The following RBFOX1 variants were observed in gnomAD, a reference collection of about 807,000 sequenced individuals.
The protein encoded by RBFOX1 is RNA binding protein fox-1 homolog 1.
A neutral mutation model predicts 57.7 loss-of-function variants in RBFOX1; 8 were observed. The ratio of observed to expected loss-of-function variants is 0.14; its 90% CI spans 0.08 to 0.25. RBFOX1 has a LOEUF of 0.25. Ranked by LOEUF, RBFOX1 falls within the 10% of genes least tolerant of loss-of-function variation. RBFOX1 has a pLI of 1.00. For synonymous variants in RBFOX1, 326 were observed against 222.4 expected, an observed-to-expected ratio of 1.47 and a Z score of -4.15; for missense variants, 611 against 548.5, an observed-to-expected ratio of 1.11 and a Z score of -1.14.
intron 4 of RBFOX1, chr16:7,333,131 G>A: frequency 1.3e-6 from 2 of 1,564,470 alleles, no homozygotes; most frequent in Non-Finnish European, 8.8e-7. Context: ...ACTCCAGAGT[G>A]CTCAGAGTAA....
chr16:6,792,831 C>G (rs970936395), intron 3 of RBFOX1, among the ~76,000 whole-genome samples: 18 of 152,052 alleles, frequency 1.2e-4, no homozygotes, highest in African/African-American at 4.1e-4. Context: ...GAGTTCAAGA[C>G]CAGCCTGGAC....
intron 3 of RBFOX1, among the ~76,000 whole-genome samples, chr16:6,667,195 C>T (rs572314751): frequency 2.6e-5 from 4 of 152,176 alleles, no homozygotes; most frequent in Admixed American, 6.5e-5. Flanking sequence ...TCTGATGGGC[C>T]GGAAACCTAA....
At chr16:7,058,113 C>T (rs561797199) in intron 4 of RBFOX1, among the ~76,000 whole-genome samples, 2 of 152,084 alleles carry the variant, frequency 1.3e-5, no homozygotes, top group South Asian at 4.2e-4. Flanking sequence ...TGTGCTACCA[C>T]CAACTGCTAG....
chr16:7,053,504 G>C (rs1052131316), intron 4 of RBFOX1, among the ~76,000 whole-genome samples: 2 of 152,328 alleles, frequency 1.3e-5, no homozygotes, highest in Admixed American at 6.5e-5. Flanking sequence ...GTCAGAGCTA[G>C]ATAAAGAGAA....
At chr16:6,541,519 G>A (rs2096819072) in intron 2 of RBFOX1, among the ~76,000 whole-genome samples, 1 of 152,198 alleles carries the variant, frequency 6.6e-6, no homozygotes, top group African/African-American at 2.4e-5. Flanking sequence ...GGGTGACGTA[G>A]TAGTACCTGA....
intron 3 of RBFOX1, among the ~76,000 whole-genome samples, chr16:6,800,703 A>G (rs894087644): frequency 1.3e-5 from 2 of 152,108 alleles, no homozygotes; most frequent in African/African-American, 4.8e-5. Context: ...GTGGACGTTC[A>G]GTTTTTCCTA....
chr16:6,676,896 G>T (rs1243227980), intron 3 of RBFOX1, among the ~76,000 whole-genome samples: 1 of 151,738 alleles, frequency 6.6e-6, no homozygotes, highest in Non-Finnish European at 1.5e-5. Flanking sequence ...TGCTGGTTTT[G>T]AACCCTTGAC....
At chr16:6,615,966 G>A (rs181699044) in intron 2 of RBFOX1, among the ~76,000 whole-genome samples, 20 of 152,256 alleles carry the variant, frequency 1.3e-4, no homozygotes, top group African/African-American at 4.3e-4. Flanking sequence ...GTCCCTTGAC[G>A]TTGTAGCTTG....
rs147547297 is a variant in RBFOX1, at chr16:5,451,196, G to A, written c.220-16020G>A. ...AGCTCTTCTTCCTCTGCTCTGATTG[G>A]TTCCAGTTGTTAATTTCTAAGACCC... On this transcript the variant is annotated intron_variant, in intron 1 of 2. Coordinates refer to the RBFOX1 transcript ENST00000585867. Among the ~76,000 whole-genome samples the A allele has an allele frequency of 3.2e-3, 490 of 152,210 alleles. 3 individuals are homozygous for A. Among genetic ancestry groups the A allele is most frequent in the African/African-American group, 0.011 (459 of 41,528 alleles).
At chr16:6,634,308 C>T (rs755741548) in intron 2 of RBFOX1, among the ~76,000 whole-genome samples, 19 of 151,978 alleles carry the variant, frequency 1.3e-4, no homozygotes, top group Admixed American at 5.2e-4. Flanking sequence ...TCAGATCACC[C>T]GCTTCTGAGT....
chr16:5,437,093 T>C (rs1438493778), intron 1 of RBFOX1, among the ~76,000 whole-genome samples: 4 of 152,156 alleles, frequency 2.6e-5, no homozygotes, highest in East Asian at 3.8e-4. Flanking sequence ...TTTGGCTATA[T>C]TGCATGATCA....
Position 6,851,066 on chromosome 16 carries a change from A to G in RBFOX1, c.-16+196416A>G, listed in dbSNP as rs76865818. Among the ~76,000 whole-genome samples the G allele has an allele frequency of 4.0e-3, 607 of 152,326 alleles. 5 individuals are homozygous for G. The highest frequency in any genetic ancestry group is 0.014 in the African/African-American group (584 of 41,568). ...AAAAAGAACAAATTATTGATGATAG[A>G]CACACAACAACTAGGATGAAACTCC... is the stretch of plus-strand genomic sequence containing the variant. On this transcript the variant is annotated intron_variant, in intron 3 of 15. Coordinates refer to ENST00000550418, the MANE Select transcript of RBFOX1 (RefSeq NM_018723.4).
At chr16:5,692,040 G>T (rs1051234646) in intron 3 of RBFOX1, among the ~76,000 whole-genome samples, 5 of 151,558 alleles carry the variant, frequency 3.3e-5, no homozygotes, top group African/African-American at 4.9e-5. Flanking sequence ...TTGCCATTCT[G>T]TGTACATCCC....
intron 3 of RBFOX1, among the ~76,000 whole-genome samples, chr16:6,998,216 A>G (rs2153627311): frequency 6.6e-6 from 1 of 152,310 alleles, no homozygotes; most frequent in East Asian, 1.9e-4. Flanking sequence ...TTAGCTATGA[A>G]GCATTTATAT....
At chr16:6,493,084 C>T (rs78034404) in intron 2 of RBFOX1, among the ~76,000 whole-genome samples, 17,997 of 152,172 alleles carry the variant, frequency 0.12, 1,912 homozygotes, top group East Asian at 0.43. Flanking sequence ...AGAGAAAAGC[C>T]TCCATTTTGC....
chr16:5,773,911 C>G (rs1425983548), intron 3 of RBFOX1, among the ~76,000 whole-genome samples: 1 of 152,038 alleles, frequency 6.6e-6, no homozygotes, highest in African/African-American at 2.4e-5. Context: ...TTAGGTTGGT[C>G]TCGATCTACT....
At chr16:7,258,138 C>T (rs758351371) in intron 4 of RBFOX1, among the ~76,000 whole-genome samples, 3 of 152,054 alleles carry the variant, frequency 2.0e-5, no homozygotes, top group Non-Finnish European at 4.4e-5. Context: ...GAGGTACCAG[C>T]GATAATTTCT....
intron 2 of RBFOX1, among the ~76,000 whole-genome samples, chr16:6,569,882 A>G (rs928874291): frequency 2.0e-5 from 3 of 152,148 alleles, no homozygotes; most frequent in Non-Finnish European, 4.4e-5. Flanking sequence ...CCTTCAATCA[A>G]TTTTAATCCC....
intron 5 of RBFOX1, among the ~76,000 whole-genome samples, chr16:7,553,011 C>T (rs1279995281): frequency 6.6e-6 from 1 of 152,052 alleles, no homozygotes; most frequent in African/African-American, 2.4e-5. Context: ...CATACCTTCT[C>T]TTTCCTCTCA....
Sources: gnomAD v4.1 joint callset for allele counts (sites outside exome capture counted in the v4.1 genomes callset) on GRCh38, gnomAD v4.1.1 for gene constraint, MANE v1.5 for transcripts, NCBI Gene and HGNC (gene_info 2026-07-23, HGNC 2026-07-21) for gene names.